The following MARCHF10 variants were observed in gnomAD, a reference collection of about 807,000 sequenced individuals.
MARCHF10 encodes the protein probable E3 ubiquitin-protein ligase MARCHF10.
A neutral mutation model predicts 76.2 loss-of-function variants in MARCHF10; 64 were observed. The observed-to-expected ratio is 0.84, with a 90% CI of 0.69 to 1.03. The LOEUF is 1.03. Among genes scored for constraint, MARCHF10 ranks in the 50% least tolerant of loss-of-function variants. MARCHF10 has a pLI of 0.00. For synonymous variants in MARCHF10, 340 were observed against 357.5 expected (o/e 0.95, Z 0.55); for missense variants, 875 against 958.0 (o/e 0.91, Z 1.14).
intron 3 of MARCHF10, among the ~76,000 whole-genome samples, chr17:62,764,674 G>A (rs1374494737): frequency 3.3e-5 from 5 of 152,146 alleles, no homozygotes. Context: ...CCACCTTAGG[G>A]AATTGAGGGC....
chr17:62,789,652 C>G (rs2092809905), intron 2 of MARCHF10, among the ~76,000 whole-genome samples: 2 of 152,254 alleles, frequency 1.3e-5, no homozygotes, highest in Admixed American at 1.3e-4. Flanking sequence ...TGAATTGCAG[C>G]TGGCCAGGTG....
At chr17:62,748,171 G>A (rs2091772426) in intron 4 of MARCHF10, among the ~76,000 whole-genome samples, 1 of 152,186 alleles carries the variant, frequency 6.6e-6, no homozygotes, top group Non-Finnish European at 1.5e-5. Flanking sequence ...GCCAAGGTGG[G>A]TGGATCACGA....
At chr17:62,798,896 G>A (rs1002253091) in intron 2 of MARCHF10, among the ~76,000 whole-genome samples, 10 of 152,222 alleles carry the variant, frequency 6.6e-5, no homozygotes, top group African/African-American at 2.4e-4. Flanking sequence ...CTCAGGCTGG[G>A]TACCAGCAGG....
At chr17:62,785,907 G>C (rs2092737495) in intron 3 of MARCHF10, among the ~76,000 whole-genome samples, 2 of 152,146 alleles carry the variant, frequency 1.3e-5, no homozygotes, top group Non-Finnish European at 2.9e-5. Context: ...GGAGAAATAG[G>C]AACACTTTTA....
intron 3 of MARCHF10, among the ~76,000 whole-genome samples, chr17:62,760,334 ACTT>A (rs1044265350): frequency 7.9e-5 from 12 of 152,238 alleles, no homozygotes; most frequent in Admixed American, 6.5e-4. Flanking sequence ...GTGCTTTTAA[ACTT>A]CTTATTGTTT....
intron 4 of MARCHF10, among the ~76,000 whole-genome samples, chr17:62,751,935 G>A (rs1203896792): frequency 1.3e-5 from 2 of 151,984 alleles, no homozygotes; most frequent in East Asian, 1.9e-4. Context: ...CAGGAGAATC[G>A]CTTGAACCTG....
intron 4 of MARCHF10, among the ~76,000 whole-genome samples, chr17:62,755,225 G>C (rs922522272): frequency 6.6e-6 from 1 of 152,220 alleles, no homozygotes; most frequent in African/African-American, 2.4e-5. Context: ...CTGTCTTCCT[G>C]GCACACAGCT....
At chr17:62,740,693 C>T (rs2091474254) in intron 5 of MARCHF10, among the ~76,000 whole-genome samples, 1 of 151,718 alleles carries the variant, frequency 6.6e-6, no homozygotes, top group Non-Finnish European at 1.5e-5. Flanking sequence ...GGGTCTTGCT[C>T]TGTCACCCAG....
chr17:62,784,888 T>C (rs891560793), intron 3 of MARCHF10, among the ~76,000 whole-genome samples: 12 of 152,146 alleles, frequency 7.9e-5, no homozygotes, highest in Non-Finnish European at 1.2e-4. Context: ...CAAAAACAAA[T>C]GGAAGAACAT....
chr17:62,800,942 A>AAGG (rs2093061424), intron 2 of MARCHF10, among the ~76,000 whole-genome samples: 1 of 152,078 alleles, frequency 6.6e-6, no homozygotes, highest in Admixed American at 6.6e-5. Context: ...GATGACAACG[A>AAGG]AGGGCGTGTT....
chr17:62,796,271 C>T (rs1364069365), intron 2 of MARCHF10, among the ~76,000 whole-genome samples: 1 of 152,134 alleles, frequency 6.6e-6, no homozygotes, highest in Admixed American at 6.5e-5. Flanking sequence ...GGATTACAGG[C>T]ATGAGCCACT....
chr17:62,709,286 C>T (rs995904626), intron 9 of MARCHF10, among the ~76,000 whole-genome samples: 1 of 152,102 alleles, frequency 6.6e-6, no homozygotes, highest in Admixed American at 6.5e-5. Context: ...TCGAGACCAG[C>T]CTGACCAACA....
rs569622045 is a variant in MARCHF10, at chr17:62,787,169, C to T, written c.210+1311G>A. Among the ~76,000 whole-genome samples, 4 of 152,286 alleles carry T rather than the reference C, an allele frequency of 2.6e-5. No homozygotes were observed. In the East Asian group the frequency reaches 7.7e-4, roughly 29 times the overall value. ...GCCAATATTGTGAGATAGTCTCTTT[C>T]ACCTTCAGACTCTAAGTGAAATATT... is the stretch of plus-strand genomic sequence containing the variant. On this transcript the variant is annotated intron_variant, in intron 3 of 10. Transcript: ENST00000311269.
intron 8 of MARCHF10, among the ~76,000 whole-genome samples, chr17:62,717,205 A>G (rs2090252335): frequency 6.6e-6 from 1 of 152,190 alleles, no homozygotes; most frequent in Admixed American, 6.5e-5. Flanking sequence ...GGCACTATGA[A>G]TTCCCAGCAG....
intron 3 of MARCHF10, among the ~76,000 whole-genome samples, chr17:62,774,489 G>A (rs557014109): frequency 6.6e-6 from 1 of 152,304 alleles, no homozygotes; most frequent in Non-Finnish European, 1.5e-5. Context: ...CCAGAGCCTG[G>A]TGGGCAGTGG....
chr17:62,721,735 G>A (rs7359518), intron 8 of MARCHF10, among the ~76,000 whole-genome samples: 1 of 152,142 alleles, frequency 6.6e-6, no homozygotes, highest in Non-Finnish European at 1.5e-5. Context: ...TCAGCCAGTA[G>A]GCATTTACCT....
chr17:62,781,773 T>C (rs994875134), intron 3 of MARCHF10, among the ~76,000 whole-genome samples: 10 of 152,172 alleles, frequency 6.6e-5, no homozygotes, highest in African/African-American at 2.4e-4. Context: ...TCCAGGCTCA[T>C]CAGAATTGTG....
chr17:62,711,112 G>T lies in MARCHF10; in HGVS notation c.2328+119C>A. 1 of 757,688 alleles carries T rather than the reference G, an allele frequency of 1.3e-6. No homozygotes were observed. Among genetic ancestry groups the T allele is most frequent in the South Asian group, 1.6e-5 (1 of 61,654 alleles). The allele number at this position is 757,688 out of a possible 1,614,324, so 46.9% of individuals were successfully genotyped here. A position where few individuals can be genotyped will look rare whatever the true frequency, so the allele number is the denominator to read the frequency against. On this transcript the variant is annotated intron_variant, in intron 9 of 10. Transcript: ENST00000311269. This position sits in a 1 kb window ranked among gnomAD's most constrained non-coding sequence, Gnocchi z 4.4. ...GCTGCTAAATCTTAGTCCTAACAAT[G>T]ATAGTCCCATATCCTCCCAAGCGAC...
intron 8 of MARCHF10, among the ~76,000 whole-genome samples, chr17:62,715,766 G>A (rs1394497500): frequency 2.0e-5 from 3 of 152,144 alleles, no homozygotes; most frequent in African/African-American, 4.8e-5. Context: ...TGATCTAGCC[G>A]CTTGAGGCCT....
Sources: allele counts gnomAD v4.1 joint callset (sites outside exome capture counted in the v4.1 genomes callset), GRCh38; gene constraint gnomAD v4.1.1; non-coding constraint Gnocchi (gnomAD v3.1); transcripts MANE v1.5; gene names NCBI Gene and HGNC (gene_info 2026-07-23, HGNC 2026-07-21).